Variants in COL26A1 observed in about 807,000 individuals in gnomAD.
COL26A1 encodes collagen alpha-1(XXVI) chain.
A neutral mutation model predicts 59.3 loss-of-function variants in COL26A1; 41 were observed. The observed-to-expected ratio is 0.69, with a 90% CI of 0.54 to 0.90. COL26A1 has a LOEUF of 0.90. Ranked by LOEUF, COL26A1 falls within the 40% of genes least tolerant of loss-of-function variation. The pLI is 0.00. For missense variants in COL26A1, 612 were observed against 602.3 expected (o/e 1.02, Z -0.17); for synonymous variants, 266 against 256.0 (o/e 1.04, Z -0.37).
At chr7:101,383,160 G>A (rs555609581) in intron 1 of COL26A1, among the ~76,000 whole-genome samples, 2 of 152,122 alleles carry the variant, frequency 1.3e-5, no homozygotes, top group Admixed American at 6.6e-5. Flanking sequence ...CATTTTTATT[G>A]CTGTCATGAA....
chr7:101,369,624 T>C (rs1791137441), intron 1 of COL26A1, among the ~76,000 whole-genome samples: 1 of 150,996 alleles, frequency 6.6e-6, no homozygotes, highest in Admixed American at 6.6e-5. Flanking sequence ...AATATTTTTG[T>C]ATTTTTTTTT....
intron 1 of COL26A1, among the ~76,000 whole-genome samples, chr7:101,394,166 G>A (rs1157113886): frequency 6.6e-6 from 1 of 152,106 alleles, no homozygotes; most frequent in African/African-American, 2.4e-5. Context: ...GAGGGCCAGA[G>A]TGAGTAGTAG....
rs1257376976 is a variant in COL26A1 at position 101,489,715 on chromosome 7, T to G, written c.385+41928T>G. On this transcript the variant is annotated intron_variant, in intron 3 of 12. Coordinates refer to ENST00000313669, the MANE Select transcript of COL26A1 (RefSeq NM_001278563.3). ...TTTCTTTCTGTCTTTCTTTCTTTCATTCTTTCTTTCTCTCTCTCTTTCTCT... is the reference window on the plus strand; with the variant it reads ...TTTCTTTCTGTCTTTCTTTCTTTCAGTCTTTCTTTCTCTCTCTCTTTCTCT... Among the ~76,000 whole-genome samples the G allele has an allele frequency of 7.2e-3, 79 of 10,956 alleles. 6 individuals carry two copies. The highest frequency in any genetic ancestry group is 8.5e-3 in the Non-Finnish European group (50 of 5,878). 7.2% of individuals were successfully genotyped at this position (10,956 alleles called of 152,430 possible).
intron 1 of COL26A1, among the ~76,000 whole-genome samples, chr7:101,405,480 G>T (rs931395906): frequency 2.6e-5 from 4 of 151,970 alleles, no homozygotes; most frequent in Non-Finnish European, 1.5e-5. Flanking sequence ...ACAGACACAA[G>T]CCACCATGCC....
chr7:101,387,774 A>T (rs1392332184), intron 1 of COL26A1, among the ~76,000 whole-genome samples: 15,200 of 47,058 alleles, frequency 0.32, 1,868 homozygotes, highest in Admixed American at 0.43. Context: ...ATATATATAT[A>T]TATATTTTTT....
At chr7:101,444,373 T>C (rs1020310930) in intron 2 of COL26A1, among the ~76,000 whole-genome samples, 7 of 151,558 alleles carry the variant, frequency 4.6e-5, no homozygotes, top group Non-Finnish European at 5.9e-5. Flanking sequence ...ATTTTGCAGG[T>C]CCTGCTAATT....
intron 3 of COL26A1, among the ~76,000 whole-genome samples, chr7:101,463,645 TCCTTCCATCCTTCCA>T: frequency 3.8e-5 from 1 of 26,294 alleles, no homozygotes; most frequent in African/African-American, 5.9e-4. Context: ...CTTCCTTCCA[TCCTTCCATCCTTCCA>T]TCCTTCCTTC....
At chr7:101,500,726 C>G (rs1385991577) in intron 3 of COL26A1, among the ~76,000 whole-genome samples, 1 of 151,958 alleles carries the variant, frequency 6.6e-6, no homozygotes, top group Non-Finnish European at 1.5e-5. Flanking sequence ...GAGGCTGAGG[C>G]GGGAGAATCA....
chr7:101,539,276 GTC>G (rs1449105663), intron 4 of COL26A1, among the ~76,000 whole-genome samples: 2 of 144,072 alleles, frequency 1.4e-5, no homozygotes, highest in African/African-American at 5.4e-5. Flanking sequence ...TTCCTTTTCT[GTC>G]TGTGTGTGTG....
chr7:101,405,997 G>T (rs1792120189), intron 1 of COL26A1, among the ~76,000 whole-genome samples: 1 of 152,258 alleles, frequency 6.6e-6, no homozygotes, highest in Middle Eastern at 3.4e-3. Flanking sequence ...CTGGTGGCAC[G>T]GCCGTGCTCC....
chr7:101,526,092 A>G (rs1029109147), intron 3 of COL26A1, among the ~76,000 whole-genome samples: 2 of 150,996 alleles, frequency 1.3e-5, no homozygotes, highest in African/African-American at 4.9e-5. Context: ...CTTGTTGCCC[A>G]GGCTGGAGTG....
In COL26A1 at chr7:101,540,046, G is replaced by A. The variant is rs774666322; in HGVS notation, c.601G>A (p.Ala201Thr). The change falls in exon 5 of 13, where the codon GCC (alanine) becomes ACC (threonine). Residue 201 changes from alanine (A) to threonine (T), a missense_variant. Transcript: ENST00000313669. ...VPRQRRPTGP[A>T]GPPGQTGPPG... ...ACGACAGAGAAGGCCCACGGGCCCA[G>A]CCGGTGAGTGAGGGCTGCAGAGAGG... 2 of 1,611,674 alleles carry A rather than the reference G, an allele frequency of 1.2e-6. No individual in the cohort carries two copies. The highest frequency in any genetic ancestry group is 1.7e-6 in the Non-Finnish European group (2 of 1,179,170).
Position 101,383,689 on chromosome 7 carries a change from C to T in COL26A1, c.158+20499C>T, listed in dbSNP as rs376219499. Among the ~76,000 whole-genome samples the T allele has an allele frequency of 1.2e-4, 19 of 152,290 alleles. No homozygotes were observed. The East Asian group carries it at 1.4e-3, about 11-fold the overall frequency. ...AGCTGGGATTATAGGCATGTGCCAC[C>T]GTGCCCAGCTACTTTTTGTATTTTT... On this transcript the variant is annotated intron_variant, in intron 1 of 12. Coordinates refer to ENST00000313669, the MANE Select transcript of COL26A1 (RefSeq NM_001278563.3).
intron 3 of COL26A1, among the ~76,000 whole-genome samples, chr7:101,504,290 G>A (rs1249211794): frequency 1.3e-5 from 2 of 152,048 alleles, no homozygotes; most frequent in African/African-American, 2.4e-5. Context: ...TAGTAGAGAC[G>A]GGGTTTCACC....
intron 3 of COL26A1, among the ~76,000 whole-genome samples, chr7:101,485,806 C>T (rs1197447089): frequency 1.3e-5 from 2 of 152,082 alleles, no homozygotes; most frequent in Admixed American, 6.6e-5. Context: ...GAGGCCCAGC[C>T]GCGGCAGCCA....
intron 1 of COL26A1, among the ~76,000 whole-genome samples, chr7:101,363,549 T>C (rs71559408): frequency 0.66 from 69,770 of 105,550 alleles, 20,804 homozygotes; most frequent in African/African-American, 0.8. Flanking sequence ...GCGGCGGGGG[T>C]TGGGGGCTGC....
At chr7:101,476,749 G>A (rs1257864900) in intron 3 of COL26A1, among the ~76,000 whole-genome samples, 4 of 150,568 alleles carry the variant, frequency 2.7e-5, no homozygotes, top group African/African-American at 7.3e-5. Context: ...GGGTTTTACC[G>A]TGTTAGCCAG....
chr7:101,363,722 T>A lies in COL26A1; in HGVS notation c.158+532T>A, dbSNP rs372185344. 1.2e-4 allele frequency among the ~76,000 whole-genome samples: 18 copies of A among 151,824 alleles called. No individual in the cohort carries two copies. In the South Asian group the frequency reaches 3.1e-3, roughly 26 times the overall value. On this transcript the variant is annotated intron_variant, in intron 1 of 12. Coordinates refer to ENST00000313669, the MANE Select transcript of COL26A1 (RefSeq NM_001278563.3). ...CCTTCCTTTCTTCGCTTCCCCAACCTTCGCCCCCTCGTTCCGGGCTCCGAG... is the reference window on the plus strand; with the variant it reads ...CCTTCCTTTCTTCGCTTCCCCAACCATCGCCCCCTCGTTCCGGGCTCCGAG...
chr7:101,485,440 G>T (rs759211714), intron 3 of COL26A1, among the ~76,000 whole-genome samples: 1 of 152,160 alleles, frequency 6.6e-6, no homozygotes, highest in Non-Finnish European at 1.5e-5. Flanking sequence ...TTCGTCATAG[G>T]CTATGATGCT....
Sources: allele counts gnomAD v4.1 joint callset (sites outside exome capture counted in the v4.1 genomes callset), GRCh38; gene constraint gnomAD v4.1.1; transcripts MANE v1.5; gene names NCBI Gene and HGNC (gene_info 2026-07-23, HGNC 2026-07-21).